The following MOCS1 variants were observed in gnomAD, a reference collection of about 807,000 sequenced individuals.
The protein encoded by MOCS1 is molybdenum cofactor biosynthesis protein 1.
In MOCS1, 39 loss-of-function variants were observed where a neutral mutation model predicts 57.6. The ratio of observed to expected loss-of-function variants is 0.68; its 90% CI spans 0.52 to 0.88. MOCS1 has a LOEUF of 0.88. MOCS1 is among the 40% of genes least tolerant of loss of function. The pLI is 0.00. For missense variants in MOCS1, 795 were observed against 831.1 expected (o/e 0.96, Z 0.53); for synonymous variants, 334 against 335.7 (o/e 1.00, Z 0.05).
At chr6:39,932,086 C>T (rs913995841) in intron 1 of MOCS1, among the ~76,000 whole-genome samples, 1 of 152,154 alleles carries the variant, frequency 6.6e-6, no homozygotes, top group Non-Finnish European at 1.5e-5. Context: ...TCCCACTTAA[C>T]CTCACTTCTC....
Position 39,905,075 on chromosome 6 carries a change from T to TTAA in MOCS1, c.*1279_*1281dup, listed in dbSNP as rs1247749173. 2 of 454,182 alleles carry TTAA rather than the reference T, an allele frequency of 4.4e-6. No homozygotes were observed. Among genetic ancestry groups the TTAA allele is most frequent in the African/African-American group, 4.0e-5 (2 of 49,986 alleles). 28.1% of individuals were successfully genotyped at this position (454,182 alleles called of 1,614,324 possible). A position where few individuals can be genotyped will look rare whatever the true frequency, so the allele number is the denominator to read the frequency against. On this transcript the variant is annotated 3_prime_UTR_variant, in exon 11 of 11. Coordinates refer to ENST00000340692, the MANE Select transcript of MOCS1 (RefSeq NM_001358530.2). The stretch of plus-strand genomic sequence containing the variant: ...TTGTCTTTTCCAGAGAGCTGGTTGT[T>TTAA]TAATATTTGCCAGCACACCTTGGCA...
At chr6:39,927,283 C>A (rs1298609074) in intron 2 of MOCS1, 46 bp downstream of exon 2, 1 of 1,602,658 alleles carries the variant, frequency 6.2e-7, no homozygotes, top group Admixed American at 1.7e-5. Flanking sequence ...AGGGCTGCTT[C>A]AGCAGATGGA....
chr6:39,928,788 G>A (rs1768482948), intron 1 of MOCS1, among the ~76,000 whole-genome samples: 1 of 152,200 alleles, frequency 6.6e-6, no homozygotes, highest in South Asian at 2.1e-4. Context: ...GGTAGTGGTG[G>A]TATCAGAAGA....
In MOCS1 at chr6:39,904,944, T is replaced by C. The variant is rs982335876; in HGVS notation, c.*1413A>G. ...CTGAGAGTGTGCTGGAGCCAGCTTG[T>C]ACCAGCTCTGTGAGAACCAATTGTT... On this transcript the variant is annotated 3_prime_UTR_variant, in exon 11 of 11. Coordinates refer to ENST00000340692, the MANE Select transcript of MOCS1 (RefSeq NM_001358530.2). 1 of 454,036 alleles carries C rather than the reference T, an allele frequency of 2.2e-6. No individual in the cohort carries two copies. The highest frequency in any genetic ancestry group is 2.0e-5 in the African/African-American group (1 of 50,012). The allele number at this position is 454,036 out of a possible 1,614,324, so 28.1% of individuals were successfully genotyped here. A position where few individuals can be genotyped will look rare whatever the true frequency, so the allele number is the denominator to read the frequency against.
At chr6:39,924,660 G>A (rs1768172225) in intron 3 of MOCS1, among the ~76,000 whole-genome samples, 1 of 152,202 alleles carries the variant, frequency 6.6e-6, no homozygotes. Context: ...TGGGCAATAT[G>A]TAAATGAATG....
At position 39,913,765 on chromosome 6, in the gene MOCS1, C is replaced by T. The variant is rs73732319; in HGVS notation, c.645+9G>A. On this transcript the variant is annotated intron_variant, in intron 5 of 10. Transcript: ENST00000340692. ...AAGTCGGGAATCTACGGCAGGGGCA[C>T]GGCCTCACCTTCACAGGGTTGTAGC... 497 of 1,613,940 alleles carry T rather than the reference C, an allele frequency of 3.1e-4. 2 individuals carry two copies. The South Asian group carries it at 3.8e-3, about 12-fold the overall frequency.
chr6:39,912,159 G>A (rs376132186), intron 8 of MOCS1, 105 bp downstream of exon 8: 24 of 910,638 alleles, frequency 2.6e-5, no homozygotes, highest in African/African-American at 2.3e-4. Context: ...CACCTCCCCC[G>A]ACACCGTGCC....
rs1461684562 is a variant in MOCS1, at chr6:39,925,799, G to A, written c.297C>T (p.Ala99=). The A allele has an allele frequency of 1.2e-6, 2 of 1,612,800 alleles. No homozygotes were observed. The highest frequency in any genetic ancestry group is 1.7e-6 in the Non-Finnish European group (2 of 1,179,962). ...PEEGVPLTPK[A]NLLTTEEILT... ...GGATCTCCTCTGTGGTCAGCAGGTT[G>A]GCTTTGGGGGTCAGCGGGACCCCCT... The change falls in exon 3 of 11, where the codon GCC becomes GCT. Residue 99 remains alanine (A), a synonymous_variant. Transcript: ENST00000340692.
chr6:39,919,951 A>T (rs563118506), intron 3 of MOCS1, among the ~76,000 whole-genome samples: 58 of 152,316 alleles, frequency 3.8e-4, no homozygotes, highest in African/African-American at 1.2e-3. Context: ...CATAAAAGAA[A>T]AAAACGCTGA....
chr6:39,932,645 G>C (rs1480678216), intron 1 of MOCS1, among the ~76,000 whole-genome samples: 1 of 152,216 alleles, frequency 6.6e-6, no homozygotes, highest in Non-Finnish European at 1.5e-5. Flanking sequence ...CTAATGAGAT[G>C]TCCAGGATTC....
chr6:39,922,904 T>C (rs1477585595), intron 3 of MOCS1, among the ~76,000 whole-genome samples: 1 of 152,200 alleles, frequency 6.6e-6, no homozygotes, highest in Non-Finnish European at 1.5e-5. Context: ...ACTTCTGTTC[T>C]CTCTCTTCCC....
rs1766723394 is a variant in MOCS1, at chr6:39,904,727, A to G, written c.*1630T>C. 1 of 454,152 alleles carries G rather than the reference A, an allele frequency of 2.2e-6. No individual in the cohort carries two copies. Among genetic ancestry groups the G allele is most frequent in the South Asian group, 1.6e-5 (1 of 64,472 alleles). The allele number at this position is 454,152 out of a possible 1,614,324, so 28.1% of individuals were successfully genotyped here. On this transcript the variant is annotated 3_prime_UTR_variant, in exon 11 of 11. Transcript: ENST00000340692. ...CCCGACTTCTACCAGGGATGCCTTCACGCCAAGGCTGTTCTCACCAGCTGC... is the reference window on the plus strand; with the variant it reads ...CCCGACTTCTACCAGGGATGCCTTCGCGCCAAGGCTGTTCTCACCAGCTGC...
At chr6:39,927,689 G>T in intron 1 of MOCS1, 1 of 1,541,926 alleles carries the variant, frequency 6.5e-7, no homozygotes, top group East Asian at 2.4e-5. Context: ...GGGGGCGGAT[G>T]GTGATCTCTA....
chr6:39,929,150 G>A (rs540615908), intron 1 of MOCS1, among the ~76,000 whole-genome samples: 13 of 152,192 alleles, frequency 8.5e-5, no homozygotes, highest in Admixed American at 3.9e-4. Flanking sequence ...TCTACCCACC[G>A]CGGGAGAATT....
Position 39,905,296 on chromosome 6 carries a change from A to G in MOCS1, c.*1061T>C, listed in dbSNP as rs145150781. 1.1e-5 allele frequency: 5 copies of G among 455,218 alleles called. No homozygotes were observed. The highest frequency in any genetic ancestry group is 2.0e-5 in the African/African-American group (1 of 50,126). The allele number at this position is 455,218 out of a possible 1,614,324, so 28.2% of individuals were successfully genotyped here. On this transcript the variant is annotated 3_prime_UTR_variant, in exon 11 of 11. Coordinates refer to ENST00000340692, the MANE Select transcript of MOCS1 (RefSeq NM_001358530.2). Reference sequence around the variant, plus strand: ...AACACCCCTGGCCACCACCTGACAAAAGATTTCCCTTAGATGGTGCATTTC... The same window carrying G: ...AACACCCCTGGCCACCACCTGACAAGAGATTTCCCTTAGATGGTGCATTTC...
chr6:39,906,452 C>T lies in MOCS1; in HGVS notation c.1816G>A (p.Asp606Asn). The T allele has an allele frequency of 6.2e-7, 1 of 1,612,498 alleles. No individual in the cohort carries two copies. Among genetic ancestry groups the T allele is most frequent in the South Asian group, 1.1e-5 (1 of 91,042 alleles). ...SAAVAALTLY[D>N]MCKAVSRDIV... ...TCCCTGCTGACAGCCTTGCACATGT[C>T]ATACAGGGTGAGGGCGGCCACTGCA... is the stretch of plus-strand genomic sequence containing the variant. The change falls in exon 11 of 11, where the codon GAC (aspartate) becomes AAC (asparagine). Residue 606 changes from aspartate to asparagine, a missense_variant. By Grantham distance (23) the Asp-to-Asn change is conservative. This residue lies in a region of MOCS1 where 374 missense variants were observed against 422.6 expected (regional missense o/e 0.89). Transcript: ENST00000340692.
At chr6:39,920,470 C>T (rs745407583) in intron 3 of MOCS1, among the ~76,000 whole-genome samples, 20 of 152,092 alleles carry the variant, frequency 1.3e-4, no homozygotes, top group Middle Eastern at 3.4e-3. Context: ...AAAGTGGCAC[C>T]GTCCACAACA....
At chr6:39,929,676 C>T (rs1034269406) in intron 1 of MOCS1, among the ~76,000 whole-genome samples, 3 of 151,974 alleles carry the variant, frequency 2.0e-5, no homozygotes, top group Admixed American at 2.0e-4. Context: ...TGTGGTGGTT[C>T]ACGCCTGGAA....
At position 39,913,279 on chromosome 6, in the gene MOCS1, C is replaced by A. The variant is rs769748043; in HGVS notation, c.757+38G>T. 7.6e-6 allele frequency: 12 copies of A among 1,574,130 alleles called. No individual in the cohort carries two copies. The South Asian group carries it at 1.1e-4, about 15-fold the overall frequency. Reference sequence around the variant, plus strand: ...ACACTATGCGACCTGCAGGCCCAACCCCTTCTTCCCTCCCTCAACCCATCC... The same window carrying A: ...ACACTATGCGACCTGCAGGCCCAACACCTTCTTCCCTCCCTCAACCCATCC... On this transcript the variant is annotated intron_variant, in intron 6 of 10. Coordinates refer to ENST00000340692, the MANE Select transcript of MOCS1 (RefSeq NM_001358530.2).
Sources: gnomAD v4.1 joint callset for allele counts (sites outside exome capture counted in the v4.1 genomes callset) on GRCh38, gnomAD v4.1.1 for gene constraint, gnomAD v4.1.1 regional missense constraint, MANE v1.5 for transcripts, NCBI Gene and HGNC (gene_info 2026-07-23, HGNC 2026-07-21) for gene names.